The following UBXN8 variants were observed in gnomAD, a reference collection of about 807,000 sequenced individuals.
The protein encoded by UBXN8 is UBX domain-containing protein 8.
In UBXN8, 27 loss-of-function variants were observed where a neutral mutation model predicts 32.1. That is an observed-to-expected ratio of 0.84 (90% CI 0.62 to 1.16). The LOEUF is 1.16. Among genes scored for constraint, UBXN8 ranks in the 50% most tolerant of loss-of-function variants. The pLI is 0.00. For missense variants in UBXN8, 306 were observed against 311.4 expected, an observed-to-expected ratio of 0.98 and a Z score of 0.13; for synonymous variants, 109 against 111.8, an observed-to-expected ratio of 0.98 and a Z score of 0.16.
chr8:30,749,406 A>AAAATAAAAT (rs35778479), intron 1 of UBXN8, among the ~76,000 whole-genome samples: 5 of 114,404 alleles, frequency 4.4e-5, no homozygotes, highest in South Asian at 6.0e-4. Context: ...AAAAAAAAAT[A>AAAATAAAAT]AAATAAATAA....
At chr8:30,740,037 G>T (rs1280039740), upstream of UBXN8, among the ~76,000 whole-genome samples, 1 of 152,126 alleles carries the variant, frequency 6.6e-6, no homozygotes, top group Non-Finnish European at 1.5e-5. Flanking sequence ...GAGTAGCTGT[G>T]ACCACAGGTG....
intron 6 of UBXN8, among the ~76,000 whole-genome samples, chr8:30,762,335 C>T (rs191393219): frequency 2.0e-5 from 3 of 152,158 alleles, no homozygotes; most frequent in Non-Finnish European, 4.4e-5. Flanking sequence ...CTTGGCCTCC[C>T]CAAGTGGTGG....
chr8:30,739,473 G>A (rs1025063098), upstream of UBXN8, among the ~76,000 whole-genome samples: 1 of 152,172 alleles, frequency 6.6e-6, no homozygotes, highest in African/African-American at 2.4e-5. Context: ...GAACCTGGGA[G>A]GTGGAGTTTG....
chr8:30,759,935 C>T (rs1004442448), intron 5 of UBXN8, among the ~76,000 whole-genome samples: 37 of 148,904 alleles, frequency 2.5e-4, no homozygotes, highest in African/African-American at 7.5e-4. Context: ...CCAGCCTGGG[C>T]GACAGAGTGA....
chr8:30,756,715 A>G (rs1481566361), intron 4 of UBXN8, 50 bp from the exon 5 acceptor site: 1 of 1,609,272 alleles, frequency 6.2e-7, no homozygotes, highest in South Asian at 1.1e-5. Flanking sequence ...TGAATAGAAT[A>G]AAGTTGATAG....
At chr8:30,731,158 G>A (rs911325751), upstream of UBXN8, among the ~76,000 whole-genome samples, 12 of 152,232 alleles carry the variant, frequency 7.9e-5, no homozygotes, top group Non-Finnish European at 1.5e-4. Context: ...CGGAGCAGGA[G>A]GCTCCAGACA....
chr8:30,765,133 G>C (rs143595520), intron 7 of UBXN8, among the ~76,000 whole-genome samples: 5,339 of 151,838 alleles, frequency 0.035, 135 homozygotes, highest in Non-Finnish European at 0.051. Flanking sequence ...GGCCAATCTT[G>C]AACTCCTGGG....
intron 6 of UBXN8, among the ~76,000 whole-genome samples, chr8:30,762,240 TA>T (rs913673509): frequency 2.6e-5 from 4 of 151,676 alleles, no homozygotes; most frequent in Non-Finnish European, 5.9e-5. Context: ...ATTTTTAAAT[TA>T]AAAAAAAATT....
chr8:30,750,358 G>A (rs1389559378), intron 1 of UBXN8, among the ~76,000 whole-genome samples: 1 of 152,134 alleles, frequency 6.6e-6, no homozygotes, highest in African/African-American at 2.4e-5. Context: ...TGTAGTCCCA[G>A]CTACTTGGGG....
intron 5 of UBXN8, among the ~76,000 whole-genome samples, chr8:30,760,436 TATATA>T (rs1236215686): frequency 6.6e-5 from 3 of 45,298 alleles, no homozygotes; most frequent in African/African-American, 2.8e-4. Flanking sequence ...TATATATATA[TATATA>T]TATTTTTTTT....
chr8:30,747,887 A>ATTTTTTTTTTTTTTTTTTTT (rs1449255462), intron 1 of UBXN8, among the ~76,000 whole-genome samples: 1 of 40,744 alleles, frequency 2.5e-5, no homozygotes, highest in Admixed American at 2.8e-4. Context: ...TTTAATATAT[A>ATTTTTTTTTTTTTTTTTTTT]TTTTTTCTTT....
chr8:30,741,569 A>AG (rs1327658102), upstream of UBXN8, among the ~76,000 whole-genome samples: 2 of 145,036 alleles, frequency 1.4e-5, no homozygotes, highest in Non-Finnish European at 3.0e-5. Context: ...CTGGTACCTC[A>AG]GCCTCCCGAG....
intron 5 of UBXN8, among the ~76,000 whole-genome samples, chr8:30,758,875 T>TTTTTG (rs1805735058): frequency 2.4e-5 from 3 of 124,128 alleles, no homozygotes; most frequent in African/African-American, 9.6e-5. Context: ...AACAAATGTT[T>TTTTTG]TTTTTGTTTG....
At chr8:30,755,428 G>C (rs1805630740) in intron 4 of UBXN8, among the ~76,000 whole-genome samples, 1 of 152,020 alleles carries the variant, frequency 6.6e-6, no homozygotes, top group African/African-American at 2.4e-5. Context: ...GGCTGGTTAA[G>C]TGGTTTTTGG....
chr8:30,750,800 G>A (rs2128754128), intron 1 of UBXN8, among the ~76,000 whole-genome samples: 1 of 125,830 alleles, frequency 7.9e-6, no homozygotes, highest in Admixed American at 9.4e-5. Context: ...GCAACACCCT[G>A]TCTCTTAAAA....
chr8:30,743,482 T>C (rs1276893513), upstream of UBXN8, among the ~76,000 whole-genome samples: 1 of 152,054 alleles, frequency 6.6e-6, no homozygotes, highest in East Asian at 1.9e-4. Flanking sequence ...GTACGAAATG[T>C]TGTAGATTGG....
chr8:30,738,363 T>A (rs933985216), intron 1 of UBXN8, among the ~76,000 whole-genome samples: 5 of 151,348 alleles, frequency 3.3e-5, no homozygotes, highest in South Asian at 2.1e-4. Flanking sequence ...TTTTAAAAAA[T>A]AATAATAATA....
At chr8:30,760,488 G>T (rs1446494057) in intron 5 of UBXN8, among the ~76,000 whole-genome samples, 1 of 123,500 alleles carries the variant, frequency 8.1e-6, no homozygotes, top group Admixed American at 8.9e-5. Flanking sequence ...TTGTTGCAAT[G>T]GTTGGCCTTG....
intron 5 of UBXN8, among the ~76,000 whole-genome samples, chr8:30,758,900 T>TTTTTTTTTTTTTTTG (rs1554578741): frequency 3.9e-4 from 47 of 122,014 alleles, no homozygotes; most frequent in Non-Finnish European, 5.1e-4. Flanking sequence ...TTTTGTTTTT[T>TTTTTTTTTTTTTTTG]TTTTTTTTTT....
Sources: gnomAD v4.1 joint callset for allele counts (sites outside exome capture counted in the v4.1 genomes callset) on GRCh38, gnomAD v4.1.1 for gene constraint, MANE v1.5 for transcripts, NCBI Gene and HGNC (gene_info 2026-07-23, HGNC 2026-07-21) for gene names.